BCAS1: variants seen among roughly 807,000 people sequenced by gnomAD.
BCAS1 encodes the protein breast carcinoma-amplified sequence 1.
A neutral mutation model predicts 65.4 loss-of-function variants in BCAS1; 46 were observed. The ratio of observed to expected loss-of-function variants is 0.70; its 90% confidence interval spans 0.55 to 0.90. BCAS1 has a LOEUF of 0.90. Among genes scored for constraint, BCAS1 ranks in the 40% least tolerant of loss-of-function variants. The probability of loss-of-function intolerance (pLI) is 0.00; values close to 1 mark genes in which losing one functional copy is unlikely to be tolerated. For synonymous variants in BCAS1, 298 were observed against 293.5 expected (o/e 1.02, Z -0.16); for missense variants, 793 against 771.2 (o/e 1.03, Z -0.33).
At chr20:53,981,812 A>C (rs1001343848) in intron 8 of BCAS1, among the ~76,000 whole-genome samples, 1 of 116,318 alleles carries the variant, frequency 8.6e-6, no homozygotes, top group Non-Finnish European at 1.8e-5. Context: ...TTACAAATAC[A>C]TGTGCGTGCG....
At chr20:53,983,521 C>A (rs2090534978) in intron 8 of BCAS1, among the ~76,000 whole-genome samples, 1 of 152,228 alleles carries the variant, frequency 6.6e-6, no homozygotes, top group Admixed American at 6.5e-5. Flanking sequence ...ACTTTAGCCA[C>A]TGGCACACCA....
intron 1 of BCAS1, among the ~76,000 whole-genome samples, chr20:54,060,784 A>G (rs2092367819): frequency 6.6e-6 from 1 of 152,180 alleles, no homozygotes; most frequent in Non-Finnish European, 1.5e-5. Flanking sequence ...CTTCCACAAG[A>G]AATTGTAAGC....
At chr20:53,946,966 T>C (rs1568794530) in intron 12 of BCAS1, among the ~76,000 whole-genome samples, 1 of 152,116 alleles carries the variant, frequency 6.6e-6, no homozygotes, top group Non-Finnish European at 1.5e-5. Context: ...GTATACATGA[T>C]GTATATAGGG....
intron 1 of BCAS1, among the ~76,000 whole-genome samples, chr20:54,060,622 G>A (rs909272572): frequency 6.6e-6 from 1 of 152,034 alleles, no homozygotes; most frequent in Non-Finnish European, 1.5e-5. Flanking sequence ...GCGCCTGGTC[G>A]AATAAAAGTA....
In BCAS1 at chr20:53,985,443, A is replaced by G; in HGVS notation, c.1119T>C (p.Phe373=). The G allele has an allele frequency of 6.2e-7, 1 of 1,613,982 alleles. No individual in the cohort carries two copies. Among genetic ancestry groups the G allele is most frequent in the Non-Finnish European group, 8.5e-7 (1 of 1,179,964 alleles). The change falls in exon 8 of 13, where the codon TTT becomes TTC. Residue 373 remains phenylalanine (F), a synonymous_variant. Transcript: ENST00000688948. The part of the protein sequence containing the change: ...SADLKSDKAN[F]TSQETQGAGK... ...CAGCCCCTTGGGTCTCCTGGGATGT[A>G]AAGTTGGCTTTGTCTGACTTAAGGT...
At chr20:54,022,161 T>G (rs2091574212) in intron 4 of BCAS1, among the ~76,000 whole-genome samples, 1 of 152,184 alleles carries the variant, frequency 6.6e-6, no homozygotes, top group Non-Finnish European at 1.5e-5. Flanking sequence ...AGAGAAAGAC[T>G]GAGGCGGGCT....
chr20:54,056,240 C>T (rs1400651736), intron 3 of BCAS1, among the ~76,000 whole-genome samples: 2 of 150,200 alleles, frequency 1.3e-5, no homozygotes, highest in African/African-American at 4.9e-5. Flanking sequence ...TATACACATA[C>T]ACACACACAC....
rs770441070 is a variant in BCAS1, at chr20:53,944,753, A to T, written c.*169T>A. Reference sequence around the variant, plus strand: ...TTTGCCAGAAAAGACTGGACCAGAGACGTAAATAATACACCTCAATATACA... The same window carrying T: ...TTTGCCAGAAAAGACTGGACCAGAGTCGTAAATAATACACCTCAATATACA... On this transcript the variant is annotated 3_prime_UTR_variant, in exon 13 of 13. Transcript: ENST00000688948. The T allele has an allele frequency of 2.9e-5, 20 of 685,326 alleles. No individual in the cohort carries two copies. The highest frequency in any genetic ancestry group is 4.7e-5 in the Non-Finnish European group (18 of 382,394). 42.5% of individuals were successfully genotyped at this position (685,326 alleles called of 1,614,324 possible).
At chr20:54,017,907 A>G (rs1216309252) in intron 4 of BCAS1, among the ~76,000 whole-genome samples, 1 of 152,138 alleles carries the variant, frequency 6.6e-6, no homozygotes, top group East Asian at 1.9e-4. Context: ...AACAAACAAA[A>G]ACAAAAAACA....
chr20:54,063,207 G>A (rs1256456952), intron 1 of BCAS1, among the ~76,000 whole-genome samples: 1 of 152,230 alleles, frequency 6.6e-6, no homozygotes, highest in Non-Finnish European at 1.5e-5. Context: ...GGATAGGAAT[G>A]TGGGCTCTGG....
chr20:54,031,240 T>C (rs1211314612), intron 3 of BCAS1, among the ~76,000 whole-genome samples: 2 of 151,534 alleles, frequency 1.3e-5, no homozygotes, highest in African/African-American at 4.8e-5. Flanking sequence ...TATTTTAAAG[T>C]GCCAATATGT....
intron 1 of BCAS1, among the ~76,000 whole-genome samples, chr20:54,064,233 C>T (rs1018273273): frequency 6.6e-6 from 1 of 152,184 alleles, no homozygotes; most frequent in Non-Finnish European, 1.5e-5. Context: ...GGCTGGGCAT[C>T]GGGGTACTTT....
At chr20:54,048,060 C>G (rs189197338) in intron 3 of BCAS1, among the ~76,000 whole-genome samples, 353 of 152,210 alleles carry the variant, frequency 2.3e-3, no homozygotes, top group Non-Finnish European at 3.9e-3. Context: ...CTTAGCTTCC[C>G]CGCCTCCAGA....
At chr20:53,949,206 A>G (rs753361914) in intron 12 of BCAS1, among the ~76,000 whole-genome samples, 3 of 69,996 alleles carry the variant, frequency 4.3e-5, no homozygotes, top group Non-Finnish European at 9.8e-5. Flanking sequence ...ATATATCCGC[A>G]CACACACACA....
At chr20:54,066,561 A>G (rs1319683628) in intron 1 of BCAS1, among the ~76,000 whole-genome samples, 1 of 152,246 alleles carries the variant, frequency 6.6e-6, no homozygotes, top group Non-Finnish European at 1.5e-5. Context: ...TCAAGGCTAA[A>G]TGAAATCAGA....
chr20:53,988,244 A>G (rs889602358), intron 7 of BCAS1, among the ~76,000 whole-genome samples: 3 of 152,168 alleles, frequency 2.0e-5, no homozygotes, highest in African/African-American at 7.2e-5. Context: ...GTTACAAAAA[A>G]CAAGGTCCCC....
In BCAS1 at chr20:54,028,990, A is replaced by G; in HGVS notation, c.143-18T>C. The G allele has an allele frequency of 6.3e-7, 1 of 1,586,492 alleles. No individual in the cohort carries two copies. The highest frequency in any genetic ancestry group is 8.6e-7 in the Non-Finnish European group (1 of 1,168,222). On this transcript the variant is annotated intron_variant, in intron 3 of 12. Transcript: ENST00000688948. ...CAAGTCGACTGTAAACACAAACATA[A>G]ACAGTGGTTATTCAGCCAAGCCGGG...
chr20:53,970,462 T>G (rs917400112), intron 9 of BCAS1, among the ~76,000 whole-genome samples: 1 of 152,236 alleles, frequency 6.6e-6, no homozygotes, highest in Non-Finnish European at 1.5e-5. Context: ...TTTGGATAAT[T>G]TTCCAAATTT....
chr20:54,022,015 T>C (rs1348306941), intron 4 of BCAS1, among the ~76,000 whole-genome samples: 1 of 152,110 alleles, frequency 6.6e-6, no homozygotes, highest in Non-Finnish European at 1.5e-5. Context: ...TGATGCAGGA[T>C]TGTCACAAAC....
Sources: gnomAD v4.1 joint callset for allele counts (sites outside exome capture counted in the v4.1 genomes callset) on GRCh38, gnomAD v4.1.1 for gene constraint, MANE v1.5 for transcripts, NCBI Gene and HGNC (gene_info 2026-07-23, HGNC 2026-07-21) for gene names.